IKBKB-DT: variants seen among roughly 807,000 people sequenced by gnomAD.
IKBKB-DT encodes the protein IKBKB antisense RNA.
chr8:42,266,914 TG>T lies in IKBKB-DT; in HGVS notation n.604-519del, dbSNP rs1226643661. On this transcript the variant is annotated intron_variant and non_coding_transcript_variant, in intron 1 of 3. Coordinates refer to ENST00000518213, the Ensembl canonical transcript of IKBKB-DT. ...TAGCATAAATAAATAAACATAAAAA[TG>T]GGCAACCAGTAGCCCTCGGGGGCTG... 5.3e-5 allele frequency among the ~76,000 whole-genome samples: 8 copies of T among 151,984 alleles called. 1 individual carries two copies. The highest frequency in any genetic ancestry group is 5.2e-4 in the Admixed American group (8 of 15,244).
chr8:42,262,426 T>TTTTATTTA (rs57144579), intron 3 of IKBKB-DT, among the ~76,000 whole-genome samples: 8,595 of 144,302 alleles, frequency 0.06, 796 homozygotes, highest in African/African-American at 0.22. Context: ...TACCACATTC[T>TTTTATTTA]TTTATTTATT....
chr8:42,244,496 A>G (rs552218861), intron 3 of IKBKB-DT, among the ~76,000 whole-genome samples: 1 of 152,114 alleles, frequency 6.6e-6, no homozygotes, highest in Non-Finnish European at 1.5e-5. Context: ...ACTTCTTTTA[A>G]TCTTCCTTAA....
chr8:42,250,253 T>C (rs1807115267), intron 3 of IKBKB-DT, among the ~76,000 whole-genome samples: 1 of 151,942 alleles, frequency 6.6e-6, no homozygotes, highest in Non-Finnish European at 1.5e-5. Context: ...GGGCACTGAG[T>C]CACTTCTGGG....
intron 3 of IKBKB-DT, among the ~76,000 whole-genome samples, chr8:42,248,664 A>G (rs1807091794): frequency 6.6e-6 from 1 of 151,778 alleles, no homozygotes; most frequent in African/African-American, 2.4e-5. Context: ...GCGGATCATG[A>G]GGTCAGGAGT....
intron 3 of IKBKB-DT, among the ~76,000 whole-genome samples, chr8:42,258,715 G>C (rs1167028543): frequency 6.6e-6 from 1 of 152,040 alleles, no homozygotes; most frequent in Non-Finnish European, 1.5e-5. Flanking sequence ...TGATCCGCCC[G>C]CCTCGGCCTC....
intron 3 of IKBKB-DT, among the ~76,000 whole-genome samples, chr8:42,259,062 C>T (rs950728841): frequency 2.0e-5 from 3 of 151,936 alleles, no homozygotes; most frequent in African/African-American, 7.3e-5. Context: ...TTTCACTCTC[C>T]TTGCCCAGGC....
intron 3 of IKBKB-DT, among the ~76,000 whole-genome samples, chr8:42,258,864 T>A (rs1807242932): frequency 6.6e-6 from 1 of 152,140 alleles, no homozygotes; most frequent in African/African-American, 2.4e-5. Context: ...AACTAAGCAA[T>A]CATTAAGAAA....
intron 1 of IKBKB-DT, among the ~76,000 whole-genome samples, chr8:42,269,578 G>T (rs1010272905): frequency 7.2e-6 from 1 of 138,188 alleles, no homozygotes; most frequent in African/African-American, 2.7e-5. Flanking sequence ...GAAGGGAAGG[G>T]GAGGGGAGTG....
rs188116311 is a variant in IKBKB-DT at position 42,237,381 on chromosome 8, C to T, written n.1530-3522G>A. Among the ~76,000 whole-genome samples the T allele has an allele frequency of 2.5e-3, 376 of 152,250 alleles. 2 individuals carry two copies. Among genetic ancestry groups the T allele is most frequent in the South Asian group, 0.02 (96 of 4,822 alleles). ...GGATTCCAGGCATGACCACCATGCC[C>T]GGCCTAGTCTTATGATCTCTATTTT... On this transcript the variant is annotated intron_variant and non_coding_transcript_variant, in intron 3 of 3. Coordinates refer to ENST00000518213, the Ensembl canonical transcript of IKBKB-DT.
chr8:42,234,489 C>A (rs1052928204), intron 3 of IKBKB-DT, among the ~76,000 whole-genome samples: 10 of 152,096 alleles, frequency 6.6e-5, no homozygotes, highest in Non-Finnish European at 1.0e-4. Flanking sequence ...AATGAAATCA[C>A]CTTTGCAAAA....
intron 3 of IKBKB-DT, among the ~76,000 whole-genome samples, chr8:42,245,389 TG>T (rs890652029): frequency 2.6e-5 from 4 of 152,120 alleles, no homozygotes; most frequent in African/African-American, 9.7e-5. Context: ...AAGCAGAAAA[TG>T]GGTCAGGACG....
chr8:42,253,037 C>G (rs1007940503), intron 3 of IKBKB-DT, among the ~76,000 whole-genome samples: 3 of 152,148 alleles, frequency 2.0e-5, no homozygotes, highest in African/African-American at 7.2e-5. Context: ...TCTTTTTCTT[C>G]CAGGCCCTTC....
intron 3 of IKBKB-DT, among the ~76,000 whole-genome samples, chr8:42,258,993 CAT>C (rs537166406): frequency 3.9e-5 from 6 of 152,068 alleles, no homozygotes; most frequent in East Asian, 1.9e-4. Context: ...TTTTTCGAAA[CAT>C]ATATTTTTTC....
At chr8:42,265,203 C>A (rs1807354380) in intron 2 of IKBKB-DT, among the ~76,000 whole-genome samples, 1 of 152,178 alleles carries the variant, frequency 6.6e-6, no homozygotes, top group Non-Finnish European at 1.5e-5. Flanking sequence ...TGTTATGTTT[C>A]CCACGCTGAT....
At chr8:42,249,415 A>ATG (rs1195432902) in intron 3 of IKBKB-DT, 1 of 134,918 alleles carries the variant, frequency 7.4e-6, no homozygotes, top group Non-Finnish European at 1.5e-5. Context: ...GCATGTATAT[A>ATG]TATGTGTGTG....
intron 3 of IKBKB-DT, chr8:42,249,321 T>C (rs1807100554): frequency 6.6e-6 from 1 of 151,996 alleles, no homozygotes; most frequent in Non-Finnish European, 1.5e-5. Context: ...GTCCGCTGTG[T>C]TTGTGCCACT....
chr8:42,267,969 T>C (rs555054331), intron 1 of IKBKB-DT, among the ~76,000 whole-genome samples: 23 of 152,236 alleles, frequency 1.5e-4, no homozygotes, highest in Non-Finnish European at 2.9e-5. Context: ...AGGATTCAAA[T>C]TACAGGAGCG....
At chr8:42,236,631 C>T (rs553994511) in intron 3 of IKBKB-DT, among the ~76,000 whole-genome samples, 1 of 152,240 alleles carries the variant, frequency 6.6e-6, no homozygotes, top group South Asian at 2.1e-4. Context: ...GTGACGCATG[C>T]CTGTAATCCC....
intron 3 of IKBKB-DT, among the ~76,000 whole-genome samples, chr8:42,259,988 AAAAAAAC>A (rs1173416951): frequency 1.3e-5 from 2 of 151,518 alleles, no homozygotes; most frequent in African/African-American, 4.9e-5. Context: ...TCTCAAAAAA[AAAAAAAC>A]AAAAAAAAAA....
Sources: allele counts gnomAD v4.1 joint callset (sites outside exome capture counted in the v4.1 genomes callset), GRCh38; gene constraint gnomAD v4.1.1; transcripts MANE v1.5; gene names NCBI Gene and HGNC (gene_info 2026-07-23, HGNC 2026-07-21).